The following SCFD2 variants were observed in gnomAD, a reference collection of about 807,000 sequenced individuals.
SCFD2 encodes the protein sec1 family domain containing 2, also known as sec1 family domain-containing protein 2.
Under a neutral mutation model 58.9 loss-of-function variants are expected in SCFD2, and 54 were observed. The observed-to-expected ratio is 0.92, with a 90% confidence interval of 0.74 to 1.15. SCFD2 has a LOEUF of 1.15. Ranked by LOEUF, SCFD2 falls within the 50% of genes most tolerant of loss-of-function variation. SCFD2 has a pLI of 0.00. For synonymous variants in SCFD2, 321 were observed against 335.9 expected (o/e 0.96, Z 0.49); for missense variants, 805 against 836.6 (o/e 0.96, Z 0.47).
In SCFD2 at chr4:52,888,510, T is replaced by C. The variant is rs1355682458; in HGVS notation, c.1843-2644A>G. Among the ~76,000 whole-genome samples, 7 of 152,338 alleles carry C rather than the reference T, an allele frequency of 4.6e-5. No individual in the cohort carries two copies. The South Asian group carries it at 1.5e-3, about 32-fold the overall frequency. On this transcript the variant is annotated intron_variant, in intron 7 of 8. Coordinates refer to ENST00000401642, the MANE Select transcript of SCFD2 (RefSeq NM_152540.4). ...TAGCAATGCTGCTTTTGTCCTACTG[T>C]ACCCTGGAATTGCTCTCATCGGAGT... is the stretch of plus-strand genomic sequence containing the variant.
At chr4:53,234,095 T>C (rs1166113545) in intron 4 of SCFD2, among the ~76,000 whole-genome samples, 2 of 152,220 alleles carry the variant, frequency 1.3e-5, no homozygotes, top group Non-Finnish European at 1.5e-5. Flanking sequence ...TCCTACTTTG[T>C]CCTGTATCTT....
intron 5 of SCFD2, among the ~76,000 whole-genome samples, chr4:53,063,386 C>T (rs1265682809): frequency 6.6e-6 from 1 of 152,000 alleles, no homozygotes; most frequent in Non-Finnish European, 1.5e-5. Flanking sequence ...ATAAAAGAAG[C>T]ATAGTTCTTT....
chr4:53,216,781 T>C (rs1168163693), intron 4 of SCFD2, among the ~76,000 whole-genome samples: 1 of 152,236 alleles, frequency 6.6e-6, no homozygotes, highest in Non-Finnish European at 1.5e-5. Context: ...CTTGTGGGCA[T>C]CTAGTGCTAT....
intron 4 of SCFD2, among the ~76,000 whole-genome samples, chr4:53,196,548 GAACTAATTT>G (rs1728063622): frequency 6.6e-6 from 1 of 152,124 alleles, no homozygotes; most frequent in Admixed American, 6.6e-5. Context: ...CGAGAGACTG[GAACTAATTT>G]AATGTGCTCC....
chr4:53,246,777 C>T (rs189015992), intron 4 of SCFD2, among the ~76,000 whole-genome samples: 27 of 152,110 alleles, frequency 1.8e-4, no homozygotes, highest in East Asian at 7.7e-4. Flanking sequence ...TCATTCTGGA[C>T]GTAGGAACTG....
chr4:52,943,448 G>T, intron 5 of SCFD2, among the ~76,000 whole-genome samples: 2 of 152,260 alleles, frequency 1.3e-5, no homozygotes, highest in Middle Eastern at 6.8e-3. Flanking sequence ...CCTTCTTGCT[G>T]CATCTTCACA....
chr4:53,258,577 T>TATACAC (rs757658747), intron 4 of SCFD2, among the ~76,000 whole-genome samples: 5 of 121,394 alleles, frequency 4.1e-5, no homozygotes, highest in African/African-American at 6.3e-5. Flanking sequence ...TATATATATA[T>TATACAC]ACACACACAT....
Position 53,145,435 on chromosome 4 carries a change from C to T in SCFD2, c.1459G>A (p.Val487Ile). The T allele has an allele frequency of 6.2e-7, 1 of 1,614,136 alleles. No individual in the cohort carries two copies. The highest frequency in any genetic ancestry group is 1.3e-5 in the African/African-American group (1 of 75,028). ...YIYSVTGELT[V>I]DKDLCEAEEK... ...TCTGCTTCACACAGGTCTTTGTCTA[C>T]CGTGAGCTCTCCAGTGACAGAATAA... The change falls in exon 5 of 9, where the codon GTA (valine) becomes ATA (isoleucine). Residue 487 changes from valine to isoleucine, a missense_variant. By Grantham distance (29) the Val-to-Ile change is conservative (BLOSUM62 3). This residue lies in a region of SCFD2 where 633 missense variants were observed against 646.8 expected (regional missense o/e 0.98). Transcript: ENST00000401642.
At chr4:53,062,913 G>A (rs1723555968) in intron 5 of SCFD2, among the ~76,000 whole-genome samples, 1 of 152,084 alleles carries the variant, frequency 6.6e-6, no homozygotes, top group South Asian at 2.1e-4. Flanking sequence ...TTTATTACAT[G>A]GAACCCATAT....
At chr4:53,305,576 ATTTT>A (rs1014032191) in intron 3 of SCFD2, among the ~76,000 whole-genome samples, 10 of 152,256 alleles carry the variant, frequency 6.6e-5, no homozygotes, top group African/African-American at 2.4e-4. Flanking sequence ...TCACTACCTT[ATTTT>A]GTTTTAGAAA....
chr4:53,354,160 C>A (rs1322623445), intron 1 of SCFD2, among the ~76,000 whole-genome samples: 1 of 152,228 alleles, frequency 6.6e-6, no homozygotes, highest in Non-Finnish European at 1.5e-5. Context: ...AGGCTCGGGC[C>A]CCATAGGAGC....
intron 4 of SCFD2, among the ~76,000 whole-genome samples, chr4:53,252,235 G>A (rs1730414571): frequency 7.0e-6 from 1 of 142,990 alleles, no homozygotes; most frequent in African/African-American, 2.6e-5. Context: ...AAATAAAAGA[G>A]GATACAAACA....
At chr4:53,330,887 A>C (rs1198791449) in intron 2 of SCFD2, among the ~76,000 whole-genome samples, 1 of 152,040 alleles carries the variant, frequency 6.6e-6, no homozygotes, top group Admixed American at 6.6e-5. Context: ...CTCAAAATAA[A>C]AGGATGGAGG....
chr4:53,148,924 C>T (rs1479759112), intron 4 of SCFD2, among the ~76,000 whole-genome samples: 2 of 152,152 alleles, frequency 1.3e-5, no homozygotes, highest in Admixed American at 6.5e-5. Flanking sequence ...GCAGAAGGAT[C>T]GCTTGAACCC....
chr4:53,353,587 C>T (rs1734306758), intron 1 of SCFD2, among the ~76,000 whole-genome samples: 1 of 152,158 alleles, frequency 6.6e-6, no homozygotes, highest in Admixed American at 6.5e-5. Context: ...GTCCATTTTG[C>T]AGAGAGCTGA....
In SCFD2 at chr4:53,286,056, G is replaced by A. The variant is rs537838035; in HGVS notation, c.1136-12055C>T. Among the ~76,000 whole-genome samples, 186 of 152,082 alleles carry A rather than the reference G, an allele frequency of 1.2e-3. 2 individuals carry two copies. The South Asian group carries it at 0.012, about 10-fold the overall frequency. On this transcript the variant is annotated intron_variant, in intron 3 of 8. Transcript: ENST00000401642. The stretch of plus-strand genomic sequence containing the variant: ...GTAGCCACTGCATCCCATCATCCCT[G>A]AGGCTCTGCCATTGTTGCACCACAT...
At chr4:53,194,066 T>C (rs1242985677) in intron 4 of SCFD2, among the ~76,000 whole-genome samples, 1 of 152,190 alleles carries the variant, frequency 6.6e-6, no homozygotes, top group Non-Finnish European at 1.5e-5. Flanking sequence ...TGGATTAGAA[T>C]TTAGCTTGCT....
intron 4 of SCFD2, among the ~76,000 whole-genome samples, chr4:53,271,723 A>G (rs111461538): frequency 3.9e-4 from 60 of 152,270 alleles, no homozygotes; most frequent in African/African-American, 1.4e-3. Context: ...TCGGCCTCCC[A>G]AAGTGCTGGG....
chr4:52,960,067 C>T (rs1720809735), intron 5 of SCFD2, among the ~76,000 whole-genome samples: 1 of 152,106 alleles, frequency 6.6e-6, no homozygotes, highest in South Asian at 2.1e-4. Context: ...AATTTATGTT[C>T]CTATTTTCCC....
Sources: gnomAD v4.1 joint callset for allele counts (sites outside exome capture counted in the v4.1 genomes callset) on GRCh38, gnomAD v4.1.1 for gene constraint, gnomAD v4.1.1 regional missense constraint, MANE v1.5 for transcripts, NCBI Gene and HGNC (gene_info 2026-07-23, HGNC 2026-07-21) for gene names.